CDK13: variants seen among roughly 807,000 people sequenced by gnomAD.
CDK13 encodes the protein cyclin-dependent kinase 13.
CDK13 carries 40 observed loss-of-function variants against 137.6 expected under a neutral mutation model. The ratio of observed to expected loss-of-function variants is 0.29; its 90% CI spans 0.23 to 0.38. CDK13 has a LOEUF of 0.38. CDK13 is among the 10% of genes least tolerant of loss of function. CDK13 has a pLI of 1.00. For synonymous variants in CDK13, 869 were observed against 760.1 expected (o/e 1.14, Z -2.36); for missense variants, 1,704 against 1,951.8 (o/e 0.87, Z 2.39).
In CDK13 at chr7:40,097,896, TC is replaced by T. The variant is rs1787078589; in HGVS notation, c.*2917del. ...CTTTATTCTGTCAGCAAATACATAG[TC>T]AGTGCCTACAACATGCCAGGTAGTA... On this transcript the variant is annotated 3_prime_UTR_variant, in exon 14 of 14. Transcript: ENST00000181839. 6.6e-6 allele frequency: 1 copy of T among 152,130 alleles called. No individual in the cohort carries two copies. Among genetic ancestry groups the T allele is most frequent in the Admixed American group, 6.6e-5 (1 of 15,266 alleles). The allele number at this position is 152,130 out of a possible 1,614,324, so 9.4% of individuals were successfully genotyped here.
chr7:40,088,126 TCTCCC>T lies in CDK13; in HGVS notation c.3031_3035del (p.Leu1011PhefsTer7), dbSNP rs1318935150. On this transcript the variant is annotated frameshift_variant and splice_region_variant, in exon 12 of 14. Transcript: ENST00000181839. LOFTEE classifies it high-confidence loss of function. ...AATTTAATTCCTTTTTTTTTTTCAG[TCTCCC>T]TTTATGGCAAGATTGTCATGAGTTA... The T allele has an allele frequency of 1.9e-6, 3 of 1,607,456 alleles. No individual in the cohort carries two copies. The highest frequency in any genetic ancestry group is 3.4e-5 in the Admixed American group (2 of 58,870).
At chr7:40,018,805 G>A (rs1167715450) in intron 5 of CDK13, among the ~76,000 whole-genome samples, 3 of 151,896 alleles carry the variant, frequency 2.0e-5, no homozygotes, top group Non-Finnish European at 2.9e-5. Context: ...CGGGTGACAG[G>A]GGCACTAAAA....
chr7:40,010,980 A>G (rs994625273), intron 5 of CDK13, among the ~76,000 whole-genome samples: 1 of 152,220 alleles, frequency 6.6e-6, no homozygotes, highest in African/African-American at 2.4e-5. Context: ...TGAATACTAG[A>G]AAACATAATT....
At chr7:40,012,372 G>A (rs1784913742) in intron 5 of CDK13, among the ~76,000 whole-genome samples, 1 of 152,136 alleles carries the variant, frequency 6.6e-6, no homozygotes, top group Admixed American at 6.5e-5. Context: ...GCCAAGGTGG[G>A]AGGATAACCT....
intron 1 of CDK13, among the ~76,000 whole-genome samples, chr7:39,957,781 A>C (rs1368378656): frequency 2.0e-5 from 3 of 152,228 alleles, no homozygotes; most frequent in Non-Finnish European, 4.4e-5. Flanking sequence ...TTTTCTGAGC[A>C]GACATTATGT....
intron 9 of CDK13, chr7:40,071,514 T>C (rs1287708535): frequency 6.6e-6 from 1 of 152,216 alleles, no homozygotes; most frequent in Non-Finnish European, 1.5e-5. Context: ...GGTTGTAATG[T>C]GTAATCTGAA....
chr7:40,080,255 T>C (rs1181119141), intron 11 of CDK13, among the ~76,000 whole-genome samples: 2 of 152,200 alleles, frequency 1.3e-5, no homozygotes, highest in South Asian at 2.1e-4. Context: ...CCTAAACTGC[T>C]AGGATTACAG....
At chr7:39,966,888 G>A (rs1783884224) in intron 1 of CDK13, among the ~76,000 whole-genome samples, 1 of 152,162 alleles carries the variant, frequency 6.6e-6, no homozygotes. Flanking sequence ...TCCAGACCCT[G>A]TTTGCCTGGG....
In CDK13 at chr7:39,951,499, C is replaced by G; in HGVS notation, c.858C>G (p.Ser286=). The G allele has an allele frequency of 6.5e-7, 1 of 1,536,832 alleles. No individual in the cohort carries two copies. Among genetic ancestry groups the G allele is most frequent in the Non-Finnish European group, 8.7e-7 (1 of 1,143,028 alleles). The change falls in exon 1 of 14, where the codon TCC becomes TCG. Residue 286 remains serine, a synonymous_variant. Transcript: ENST00000181839. The stretch of plus-strand genomic sequence containing the variant: ...CCCACCGCAGCCGGACTAAGTCGTC[C>G]AAGGAGCCGCCTTCGGCCTACAAGG... ...SKAHRSRTKS[S]KEPPSAYKEP...
chr7:40,016,007 A>G (rs1379852872), intron 5 of CDK13, among the ~76,000 whole-genome samples: 1 of 152,218 alleles, frequency 6.6e-6, no homozygotes, highest in Non-Finnish European at 1.5e-5. Context: ...TAAGGAGCAG[A>G]TACTGTTGAG....
chr7:40,081,774 G>A (rs556012312), intron 11 of CDK13, among the ~76,000 whole-genome samples: 28 of 152,092 alleles, frequency 1.8e-4, no homozygotes, highest in Admixed American at 3.3e-4. Context: ...TACCACGCCC[G>A]GCTAATTTTG....
chr7:39,997,365 G>A (rs757480765), intron 2 of CDK13, 129 bp from the exon 3 acceptor site: 1 of 745,204 alleles, frequency 1.3e-6, no homozygotes, highest in African/African-American at 1.8e-5. Flanking sequence ...AAGAAACTTG[G>A]ACAATAGTCT....
At chr7:39,957,108 T>A (rs1238665317) in intron 1 of CDK13, among the ~76,000 whole-genome samples, 1 of 151,428 alleles carries the variant, frequency 6.6e-6, no homozygotes, top group East Asian at 1.9e-4. Flanking sequence ...TGTGTGTGTG[T>A]GTGTGTGTGT....
chr7:39,964,201 C>G (rs185994733), intron 1 of CDK13, among the ~76,000 whole-genome samples: 1 of 152,156 alleles, frequency 6.6e-6, no homozygotes, highest in African/African-American at 2.4e-5. Context: ...ATGGTACCAG[C>G]TCCTCCTTGT....
chr7:39,982,049 G>T (rs773425), intron 1 of CDK13, among the ~76,000 whole-genome samples: 147,925 of 148,976 alleles, frequency 0.99, 73,449 homozygotes, highest in East Asian at 1. Flanking sequence ...AGTTTTAGGG[G>T]ACATGTGCAC....
At chr7:40,075,282 C>G (rs981642140) in intron 9 of CDK13, among the ~76,000 whole-genome samples, 5 of 152,128 alleles carry the variant, frequency 3.3e-5, no homozygotes, top group Admixed American at 2.0e-4. Context: ...TGACTGGCCA[C>G]CAGGCACAGA....
At chr7:40,053,567 A>G (rs748315820) in intron 7 of CDK13, among the ~76,000 whole-genome samples, 7 of 152,068 alleles carry the variant, frequency 4.6e-5, no homozygotes, top group Non-Finnish European at 1.0e-4. Context: ...GTATGTAATT[A>G]TACTTCTCAC....
intron 5 of CDK13, among the ~76,000 whole-genome samples, chr7:40,011,490 T>C (rs1784893210): frequency 6.6e-6 from 1 of 152,244 alleles, no homozygotes; most frequent in South Asian, 2.1e-4. Context: ...CCACACATTT[T>C]ATAAGCTCAA....
In CDK13 at chr7:39,951,627, A is replaced by C. The variant is rs1787212477; in HGVS notation, c.986A>C (p.His329Pro). The C allele has an allele frequency of 6.7e-7, 1 of 1,487,604 alleles. No individual in the cohort carries two copies. The highest frequency in any genetic ancestry group is 2.6e-5 in the East Asian group (1 of 37,860). The allele number at this position is 1,487,604 out of a possible 1,614,324, so 92.2% of individuals were successfully genotyped here. The change falls in exon 1 of 14, where the codon CAC becomes CCC. Residue 329 changes from histidine to proline, a missense_variant. Physicochemically the swap from His to Pro is moderately conservative, Grantham distance 77. This residue lies in a region of CDK13 where 1,051 missense variants were observed against 931.0 expected (regional missense o/e 1.13). Transcript: ENST00000181839. Reference sequence around the variant, plus strand: ...GGCCGGGACGACAGCCCGGTGTCCCACAGGGCCTCTCAGAGCCTGAGGAGC... The same window carrying C: ...GGCCGGGACGACAGCCCGGTGTCCCCCAGGGCCTCTCAGAGCCTGAGGAGC... ...LGGRDDSPVSHRASQSLRSRK... is the reference protein window; with the variant it reads ...LGGRDDSPVSPRASQSLRSRK...
Sources: allele counts gnomAD v4.1 joint callset (sites outside exome capture counted in the v4.1 genomes callset), GRCh38; gene constraint gnomAD v4.1.1; regional missense constraint gnomAD v4.1.1; transcripts MANE v1.5; gene names NCBI Gene and HGNC (gene_info 2026-07-23, HGNC 2026-07-21).